The following REDIC1 variants were observed in gnomAD, a reference collection of about 807,000 sequenced individuals.
The protein encoded by REDIC1 is regulator of DNA class I crossover intermediates 1, also known as HEI10 Interacting Protein 1.
the REDIC1 span, among the ~76,000 whole-genome samples, chr12:39,714,216 C>CGTATAT: frequency 2.6e-5 from 1 of 39,056 alleles, no homozygotes; most frequent in Non-Finnish European, 7.8e-5. Flanking sequence ...CATGCATATA[C>CGTATAT]GTATATGCAT....
chr12:39,683,419 A>T, the REDIC1 span: 1 of 1,590,078 alleles, frequency 6.3e-7, no homozygotes, highest in Non-Finnish European at 8.6e-7. Context: ...TTTAAGAAAA[A>T]TTTGAAAATG....
chr12:39,629,030 C>T, the REDIC1 span, among the ~76,000 whole-genome samples: 1 of 152,066 alleles, frequency 6.6e-6, no homozygotes, highest in East Asian at 1.9e-4. Flanking sequence ...AATAAAAGTA[C>T]CACAAAAAAG....
the REDIC1 span, among the ~76,000 whole-genome samples, chr12:39,832,837 G>A: frequency 2.0e-5 from 3 of 151,994 alleles, no homozygotes; most frequent in Admixed American, 2.0e-4. Flanking sequence ...AGCCCTATAT[G>A]AATGCAAACA....
chr12:39,819,999 A>G, the REDIC1 span: 1 of 152,222 alleles, frequency 6.6e-6, no homozygotes, highest in Non-Finnish European at 1.5e-5. Context: ...AACAGAGTTT[A>G]AATTCTGTTA....
At chr12:39,902,461 T>G in the REDIC1 span, among the ~76,000 whole-genome samples, 1,782 of 152,224 alleles carry the variant, frequency 0.012, 21 homozygotes, top group Middle Eastern at 0.027. Flanking sequence ...GTTATTTCAA[T>G]ACTCAGTTCA....
At chr12:39,843,847 T>TA in the REDIC1 span, among the ~76,000 whole-genome samples, 8 of 152,106 alleles carry the variant, frequency 5.3e-5, no homozygotes, top group African/African-American at 1.7e-4. Flanking sequence ...CTGGCTGCTA[T>TA]ACCAGCTCAA....
At chr12:39,681,266 C>T in the REDIC1 span, among the ~76,000 whole-genome samples, 1 of 152,066 alleles carries the variant, frequency 6.6e-6, no homozygotes, top group East Asian at 1.9e-4. Flanking sequence ...GAGCAAAACT[C>T]CATCTCCCAC....
chr12:39,777,827 A>G, the REDIC1 span, among the ~76,000 whole-genome samples: 1 of 152,198 alleles, frequency 6.6e-6, no homozygotes, highest in South Asian at 2.1e-4. Flanking sequence ...AACCTGCTCA[A>G]TAAAACCTTG....
At chr12:39,828,657 T>C in the REDIC1 span, among the ~76,000 whole-genome samples, 1 of 152,102 alleles carries the variant, frequency 6.6e-6, no homozygotes, top group African/African-American at 2.4e-5. Context: ...TATGTACATT[T>C]CTTTTTTTAA....
At chr12:39,689,778 ATAAT>A in the REDIC1 span, among the ~76,000 whole-genome samples, 1 of 152,206 alleles carries the variant, frequency 6.6e-6, no homozygotes. Context: ...ATTCCTTTAA[ATAAT>A]TCATATTTCC....
chr12:39,679,247 C>G, the REDIC1 span, among the ~76,000 whole-genome samples: 1 of 152,062 alleles, frequency 6.6e-6, no homozygotes. Flanking sequence ...TAATAGTATA[C>G]CTGGAAAACC....
the REDIC1 span, among the ~76,000 whole-genome samples, chr12:39,727,551 T>C: frequency 6.6e-6 from 1 of 152,124 alleles, no homozygotes; most frequent in African/African-American, 2.4e-5. Flanking sequence ...TTGGTTACTG[T>C]AGCCTTGTAG....
chr12:39,712,605 A>T, the REDIC1 span, among the ~76,000 whole-genome samples: 1 of 144,918 alleles, frequency 6.9e-6, no homozygotes, highest in Non-Finnish European at 1.5e-5. Flanking sequence ...ATACATATAT[A>T]TGTATATATA....
chr12:39,687,930 T>TG, the REDIC1 span, among the ~76,000 whole-genome samples: 1 of 152,366 alleles, frequency 6.6e-6, no homozygotes, highest in Middle Eastern at 3.4e-3. Flanking sequence ...TTAGATAACT[T>TG]GTTTGAGGTC....
chr12:39,737,660 G>A, the REDIC1 span, among the ~76,000 whole-genome samples: 58 of 152,304 alleles, frequency 3.8e-4, no homozygotes, highest in Non-Finnish European at 7.3e-4. Flanking sequence ...TCCCAAGTTA[G>A]TACAGTCAAT....
chr12:39,839,577 C>G, the REDIC1 span, among the ~76,000 whole-genome samples: 5 of 152,036 alleles, frequency 3.3e-5, no homozygotes, highest in African/African-American at 1.2e-4. Flanking sequence ...AATTTTCCCT[C>G]TTTCCTACAA....
At chr12:39,744,152 G>A in the REDIC1 span, among the ~76,000 whole-genome samples, 2 of 152,250 alleles carry the variant, frequency 1.3e-5, no homozygotes, top group African/African-American at 2.4e-5. Context: ...CTTCCCCTCA[G>A]AAACCATGCA....
the REDIC1 span, among the ~76,000 whole-genome samples, chr12:39,798,554 C>T: frequency 7.5e-3 from 1,135 of 152,310 alleles, 13 homozygotes; most frequent in African/African-American, 0.026. Flanking sequence ...CGCATAAGAG[C>T]GCTTCAACTG....
At chr12:39,709,033 A>G in the REDIC1 span, among the ~76,000 whole-genome samples, 1 of 151,768 alleles carries the variant, frequency 6.6e-6, no homozygotes, top group Admixed American at 6.6e-5. Context: ...AGTTTTTTAC[A>G]TTTAGTAGTT....
Sources: gnomAD v4.1 joint callset for allele counts (sites outside exome capture counted in the v4.1 genomes callset) on GRCh38, gnomAD v4.1.1 for gene constraint, MANE v1.5 for transcripts, NCBI Gene and HGNC (gene_info 2026-07-23, HGNC 2026-07-21) for gene names.